The following MAN2A1 variants were observed in gnomAD, a reference collection of about 807,000 sequenced individuals.
MAN2A1 encodes the protein alpha-mannosidase 2.
MAN2A1 carries 76 observed loss-of-function variants against 142.6 expected under a neutral mutation model. That is an observed-to-expected ratio of 0.53 (90% CI 0.44 to 0.65). MAN2A1 has a LOEUF of 0.65. Ranked by LOEUF, MAN2A1 falls within the 30% of genes least tolerant of loss-of-function variation. The pLI is 0.00. For missense variants in MAN2A1, 1,311 were observed against 1,365.1 expected, an observed-to-expected ratio of 0.96 and a Z score of 0.62; for synonymous variants, 559 against 473.2, an observed-to-expected ratio of 1.18 and a Z score of -2.35.
intron 3 of MAN2A1, among the ~76,000 whole-genome samples, chr5:109,722,917 A>G (rs955189439): frequency 3.9e-5 from 6 of 152,166 alleles, no homozygotes; most frequent in Non-Finnish European, 7.4e-5. Flanking sequence ...AAGACTTACT[A>G]TGCCTGAAGT....
intron 12 of MAN2A1, among the ~76,000 whole-genome samples, chr5:109,790,062 G>A (rs1753697705): frequency 6.6e-6 from 1 of 151,676 alleles, no homozygotes; most frequent in Non-Finnish European, 1.5e-5. Flanking sequence ...TTTAATTGGT[G>A]GCTACCTAAT....
chr5:109,698,874 C>T (rs1351801044), intron 1 of MAN2A1, among the ~76,000 whole-genome samples: 2 of 151,876 alleles, frequency 1.3e-5, no homozygotes, highest in African/African-American at 4.8e-5. Context: ...TTTTCCCCAT[C>T]TTTAGTCCAC....
intron 19 of MAN2A1, chr5:109,853,644 TTC>T (rs1319281293): frequency 6.6e-6 from 1 of 152,200 alleles, no homozygotes; most frequent in Non-Finnish European, 1.5e-5. Flanking sequence ...GTGTTTTCTT[TTC>T]TGTTTGAATC....
intron 19 of MAN2A1, among the ~76,000 whole-genome samples, chr5:109,848,670 C>G (rs529374276): frequency 6.6e-6 from 1 of 152,270 alleles, no homozygotes; most frequent in Admixed American, 6.5e-5. Flanking sequence ...CCCACCTCAG[C>G]ATCCTTTTAC....
intron 4 of MAN2A1, among the ~76,000 whole-genome samples, chr5:109,739,078 G>C (rs1360778558): frequency 6.6e-6 from 1 of 152,130 alleles, no homozygotes; most frequent in East Asian, 1.9e-4. Flanking sequence ...TTGGGCCCAA[G>C]TGATCCACCT....
At chr5:109,751,292 C>T (rs951146084) in intron 4 of MAN2A1, among the ~76,000 whole-genome samples, 5 of 151,902 alleles carry the variant, frequency 3.3e-5, no homozygotes, top group Non-Finnish European at 7.4e-5. Flanking sequence ...AATAGAATGA[C>T]CTCCAGTTTC....
intron 13 of MAN2A1, among the ~76,000 whole-genome samples, 190 bp downstream of exon 13, chr5:109,817,628 A>G (rs540268677): frequency 6.6e-6 from 1 of 152,214 alleles, no homozygotes; most frequent in East Asian, 1.9e-4. Flanking sequence ...GTGTTCCCTA[A>G]AATGTTAATT....
At chr5:109,773,602 A>G (rs1039107666) in intron 7 of MAN2A1, among the ~76,000 whole-genome samples, 2 of 152,150 alleles carry the variant, frequency 1.3e-5, no homozygotes, top group African/African-American at 4.8e-5. Context: ...TAATGTCAGA[A>G]AACTAAGCAT....
At chr5:109,832,569 C>G (rs568795382) in intron 16 of MAN2A1, among the ~76,000 whole-genome samples, 159 of 152,322 alleles carry the variant, frequency 1.0e-3, no homozygotes, top group Non-Finnish European at 2.0e-3. Flanking sequence ...CCCATGTCTA[C>G]TTCTTTCTAC....
chr5:109,730,234 TTTGA>T (rs1489146968), intron 4 of MAN2A1, among the ~76,000 whole-genome samples: 2 of 152,178 alleles, frequency 1.3e-5, no homozygotes, highest in African/African-American at 4.8e-5. Flanking sequence ...AATTTTAATT[TTTGA>T]TTGGTAACAG....
Position 109,713,554 on chromosome 5 carries a change from A to G in MAN2A1, c.170A>G (p.His57Arg). 6.2e-7 allele frequency: 1 copy of G among 1,613,092 alleles called. No individual in the cohort carries two copies. The highest frequency in any genetic ancestry group is 8.5e-7 in the Non-Finnish European group (1 of 1,179,110). Residue 57 changes from histidine (H) to arginine (R), a missense_variant, in exon 2 of 22, where the codon CAT (histidine) becomes CGT (arginine). By Grantham distance (29) the His-to-Arg change is conservative. Around this residue, in one of 3 missense-constraint regions of MAN2A1, gnomAD observed 409 missense variants for 412.7 expected, o/e 0.99. Coordinates refer to ENST00000261483, the MANE Select transcript of MAN2A1 (RefSeq NM_002372.4). Reference protein sequence around the residue: ...QLSMLQEKIDHLERLLAENNE... With the variant: ...QLSMLQEKIDRLERLLAENNE... The stretch of plus-strand genomic sequence containing the variant: ...TCAATGTTGCAAGAAAAAATAGACC[A>G]TTTGGAGCGTTTGCTAGCTGAGAAT...
In MAN2A1 at chr5:109,819,861, C is replaced by T. The variant is rs977627123; in HGVS notation, c.2302C>T (p.Arg768Trp). Residue 768 changes from arginine to tryptophan, a missense_variant, in exon 14 of 22, where the codon CGG (arginine) becomes TGG (tryptophan). Arg to Trp is a moderately radical substitution (Grantham distance 101). This residue lies in a region of MAN2A1 where 890 missense variants were observed against 920.5 expected (regional missense o/e 0.97). Coordinates refer to ENST00000261483, the MANE Select transcript of MAN2A1 (RefSeq NM_002372.4). ...ACTAGAGAACTCCTTTGTTTTACTT[C>T]GGTTTGATCAAACTGGACTTATGAA... ...ITLENSFVLL[R>W]FDQTGLMKQM... 8 of 1,597,436 alleles carry T rather than the reference C, an allele frequency of 5.0e-6. No individual in the cohort carries two copies. The East Asian group carries it at 6.7e-5, about 13-fold the overall frequency.
chr5:109,761,061 A>G (rs1448919313), intron 5 of MAN2A1, among the ~76,000 whole-genome samples: 1 of 151,490 alleles, frequency 6.6e-6, no homozygotes, highest in African/African-American at 2.4e-5. Flanking sequence ...TAATACCAGT[A>G]TATAAGAAAA....
chr5:109,698,166 G>A (rs1170416592), intron 1 of MAN2A1, among the ~76,000 whole-genome samples: 1 of 152,198 alleles, frequency 6.6e-6, no homozygotes, highest in East Asian at 1.9e-4. Flanking sequence ...GGGTTAGTTA[G>A]TCCTGAGAAG....
At chr5:109,791,069 A>C (rs147103231) in intron 12 of MAN2A1, among the ~76,000 whole-genome samples, 207 of 152,238 alleles carry the variant, frequency 1.4e-3, no homozygotes, top group African/African-American at 4.7e-3. Context: ...ACAGGTAAAC[A>C]TAAATGGAAT....
intron 18 of MAN2A1, among the ~76,000 whole-genome samples, chr5:109,847,062 T>G (rs1755362051): frequency 6.6e-6 from 1 of 152,172 alleles, no homozygotes; most frequent in Non-Finnish European, 1.5e-5. Flanking sequence ...TTGTTCAATC[T>G]GTAAAATATT....
chr5:109,732,276 G>A (rs1455425059), intron 4 of MAN2A1, among the ~76,000 whole-genome samples: 5 of 151,168 alleles, frequency 3.3e-5, no homozygotes, highest in South Asian at 2.1e-4. Context: ...TTTGTCAGAT[G>A]AGTAGGTTGC....
At chr5:109,845,749 G>C in intron 17 of MAN2A1, 116 bp from the exon 18 acceptor site, 1 of 693,410 alleles carries the variant, frequency 1.4e-6, no homozygotes, top group South Asian at 2.7e-5. Context: ...TTCTTCCACT[G>C]AATAAAAAGG....
intron 4 of MAN2A1, among the ~76,000 whole-genome samples, chr5:109,751,016 A>G (rs1308691673): frequency 1.3e-5 from 2 of 152,032 alleles, no homozygotes; most frequent in Non-Finnish European, 2.9e-5. Context: ...TGAAACATAC[A>G]GTACATTGTT....
Sources: gnomAD v4.1 joint callset for allele counts (sites outside exome capture counted in the v4.1 genomes callset) on GRCh38, gnomAD v4.1.1 for gene constraint, gnomAD v4.1.1 regional missense constraint, MANE v1.5 for transcripts, NCBI Gene and HGNC (gene_info 2026-07-23, HGNC 2026-07-21) for gene names.